NLRP4: variants seen among roughly 807,000 people sequenced by gnomAD.
The protein encoded by NLRP4 is NLR family pyrin domain containing 4.
A neutral mutation model predicts 84.7 loss-of-function variants in NLRP4; 44 were observed. The ratio of observed to expected loss-of-function variants is 0.52; its 90% CI spans 0.41 to 0.67. NLRP4 has a LOEUF of 0.67. Ranked by LOEUF, NLRP4 falls within the 30% of genes least tolerant of loss-of-function variation. The pLI, the probability that NLRP4 is intolerant of heterozygous loss-of-function variation, is 0.00. For missense variants in NLRP4, 1,260 were observed against 1,219.4 expected (o/e 1.03, Z -0.50); for synonymous variants, 544 against 476.4 (o/e 1.14, Z -1.85).
intron 1 of NLRP4, among the ~76,000 whole-genome samples, chr19:55,850,387 G>T (rs76239796): frequency 9.6e-4 from 33 of 34,204 alleles, no homozygotes; most frequent in East Asian, 8.0e-3. Flanking sequence ...GCGGTGTAAT[G>T]TCCGTGGCTG....
rs536791596 is a variant in NLRP4 at position 55,879,005 on chromosome 19, G to A, written c.2867+41G>A. On this transcript the variant is annotated intron_variant, in intron 9 of 9. Coordinates refer to ENST00000301295, the MANE Select transcript of NLRP4 (RefSeq NM_134444.5). ...TTGTGCTCTATGGGCAGAGTGCTCC[G>A]GGCTAAGAAGGGATTGGCTGGGACC... 15 of 1,489,178 alleles carry A rather than the reference G, an allele frequency of 1.0e-5. No individual in the cohort carries two copies. The African/African-American group carries it at 1.2e-4, about 12-fold the overall frequency. 92.2% of individuals were successfully genotyped at this position (1,489,178 alleles called of 1,614,324 possible).
At chr19:55,870,084 C>A (rs903959585) in intron 6 of NLRP4, among the ~76,000 whole-genome samples, 1 of 150,770 alleles carries the variant, frequency 6.6e-6, no homozygotes, top group Non-Finnish European at 1.5e-5. Flanking sequence ...GGTGACAGAG[C>A]CATACCCTGT....
Position 55,861,976 on chromosome 19 carries a change from T to G in NLRP4, c.2019-16T>G. 1 of 1,605,622 alleles carries G rather than the reference T, an allele frequency of 6.2e-7. No homozygotes were observed. Among genetic ancestry groups the G allele is most frequent in the Non-Finnish European group, 8.5e-7 (1 of 1,172,592 alleles). ...CATTAGATGAAACTCATCCAAAATT[T>G]TCTTTGTTTTTGCAGAATAAATAAC... is the stretch of plus-strand genomic sequence containing the variant. On this transcript the variant is annotated splice_polypyrimidine_tract_variant and intron_variant, in intron 4 of 9. Transcript: ENST00000301295.
At chr19:55,841,974 G>T (rs546993333) in intron 1 of NLRP4, among the ~76,000 whole-genome samples, 1 of 152,210 alleles carries the variant, frequency 6.6e-6, no homozygotes, top group South Asian at 2.1e-4. Flanking sequence ...TGGGTTATAT[G>T]GTAGGTTCTA....
rs1256249969 is a variant in NLRP4 at position 55,870,909 on chromosome 19, G to C, written c.2437G>C (p.Asp813His). The C allele has an allele frequency of 6.2e-7, 1 of 1,614,006 alleles. No individual in the cohort carries two copies. The highest frequency in any genetic ancestry group is 1.7e-5 in the Admixed American group (1 of 60,022). ...LLRNKSVRYL[D>H]LSANVLKDEG... ...GCGTAACAAGAGCGTGCGCTATCTA[G>C]ACCTCAGTGCCAATGTCCTGAAGGA... Residue 813 changes from aspartate to histidine, a missense_variant, in exon 7 of 10, where the codon GAC becomes CAC. This residue lies in a region of NLRP4 where 544 missense variants were observed against 531.7 expected (regional missense o/e 1.02). Transcript: ENST00000301295.
intron 6 of NLRP4, among the ~76,000 whole-genome samples, chr19:55,869,509 G>A (rs763358818): frequency 2.6e-5 from 4 of 152,194 alleles, no homozygotes; most frequent in Non-Finnish European, 5.9e-5. Context: ...TCAACAGGAA[G>A]CAGTTGCCCG....
In NLRP4 at chr19:55,862,133, C is replaced by T; in HGVS notation, c.2160C>T (p.Tyr720=). 1.2e-6 allele frequency: 2 copies of T among 1,613,710 alleles called. No homozygotes were observed. The highest frequency in any genetic ancestry group is 1.7e-6 in the Non-Finnish European group (2 of 1,179,618). ...DIRSLCDALN[Y]PAGNVKELAL... ...GGTCCCTCTGTGATGCCTTGAACTA[C>T]CCAGCAGGCAACGTCAAAGAGCTAG... is the stretch of plus-strand genomic sequence containing the variant. The change falls in exon 5 of 10, where the codon TAC becomes TAT. Residue 720 remains tyrosine (Y), a synonymous_variant. Coordinates refer to ENST00000301295, the MANE Select transcript of NLRP4 (RefSeq NM_134444.5).
chr19:55,870,969 C>T lies in NLRP4; in HGVS notation c.2497C>T (p.His833Tyr), dbSNP rs768351775. 3 of 1,614,200 alleles carry T rather than the reference C, an allele frequency of 1.9e-6. No homozygotes were observed. Among genetic ancestry groups the T allele is most frequent in the Admixed American group, 3.3e-5 (2 of 60,030 alleles). ...GLKTLCEALK[H>Y]PDCCLDSLCL... ...GAAAACTCTCTGCGAGGCCTTGAAACATCCGGACTGCTGCCTGGATTCACT... is the reference window on the plus strand; with the variant it reads ...GAAAACTCTCTGCGAGGCCTTGAAATATCCGGACTGCTGCCTGGATTCACT... Residue 833 changes from histidine to tyrosine, a missense_variant, in exon 7 of 10, where the codon CAT becomes TAT. His to Tyr is a moderately conservative substitution (Grantham distance 83). Coordinates refer to ENST00000301295, the MANE Select transcript of NLRP4 (RefSeq NM_134444.5).
intron 1 of NLRP4, among the ~76,000 whole-genome samples, chr19:55,839,366 C>T (rs1983519722): frequency 6.6e-6 from 1 of 151,572 alleles, no homozygotes; most frequent in South Asian, 2.1e-4. Context: ...CTCACACACA[C>T]ATACCCACAC....
rs1985015854 is a variant in NLRP4 at position 55,867,735 on chromosome 19, T to C, written c.2213T>C (p.Ile738Thr). 5 of 1,614,028 alleles carry C rather than the reference T, an allele frequency of 3.1e-6. No homozygotes were observed. Among genetic ancestry groups the C allele is most frequent in the African/African-American group, 2.7e-5 (2 of 74,932 alleles). Residue 738 changes from isoleucine (I) to threonine (T), a missense_variant, in exon 6 of 10, where the codon ATT (isoleucine) becomes ACT (threonine). Ile to Thr is a moderately conservative substitution (Grantham distance 89). This residue lies in a region of NLRP4 where 544 missense variants were observed against 531.7 expected (regional missense o/e 1.02). Coordinates refer to ENST00000301295, the MANE Select transcript of NLRP4 (RefSeq NM_134444.5). ...CTGGTAAATTGTCACCTCTCACCCA[T>C]TGATTGTGAAGTCCTTGCTGGCCTT... ...LALVNCHLSP[I>T]DCEVLAGLLT...
Position 55,870,912 on chromosome 19 carries a change from C to T in NLRP4, c.2440C>T (p.Leu814Phe). 6.2e-7 allele frequency: 1 copy of T among 1,613,886 alleles called. No homozygotes were observed. The highest frequency in any genetic ancestry group is 8.5e-7 in the Non-Finnish European group (1 of 1,179,732). Residue 814 changes from leucine (L) to phenylalanine (F), a missense_variant, in exon 7 of 10, where the codon CTC (leucine) becomes TTC (phenylalanine). Coordinates refer to ENST00000301295, the MANE Select transcript of NLRP4 (RefSeq NM_134444.5). Reference protein sequence around the residue: ...LRNKSVRYLDLSANVLKDEGL... With the variant: ...LRNKSVRYLDFSANVLKDEGL... The stretch of plus-strand genomic sequence containing the variant: ...TAACAAGAGCGTGCGCTATCTAGAC[C>T]TCAGTGCCAATGTCCTGAAGGACGA...
intron 9 of NLRP4, among the ~76,000 whole-genome samples, chr19:55,879,953 T>G (rs1298981813): frequency 6.6e-6 from 1 of 151,862 alleles, no homozygotes; most frequent in Admixed American, 6.6e-5. Flanking sequence ...ATTTATATTT[T>G]AATTTGTTAT....
At chr19:55,867,959 G>A (rs1985027106) in intron 6 of NLRP4, 83 bp downstream of exon 6, 3 of 1,206,964 alleles carry the variant, frequency 2.5e-6, no homozygotes, top group Admixed American at 4.2e-5. Context: ...TCTGCTCATT[G>A]ATGGAGGCCA....
chr19:55,841,802 T>C (rs947394941), intron 1 of NLRP4, among the ~76,000 whole-genome samples: 6 of 151,552 alleles, frequency 4.0e-5, no homozygotes, highest in Middle Eastern at 3.4e-3. Flanking sequence ...GAGGCAGAGG[T>C]TGCAGTGAGC....
chr19:55,851,682 TGTAATGTCCGAGGCTGCG>T (rs1984158294), intron 1 of NLRP4, among the ~76,000 whole-genome samples: 1 of 148,912 alleles, frequency 6.7e-6, no homozygotes, highest in Non-Finnish European at 1.5e-5. Context: ...GAGGCTGCGG[TGTAATGTCCGAGGCTGCG>T]GTGTAATGTC....
chr19:55,850,609 A>AATGTC (rs1568659135), intron 1 of NLRP4, among the ~76,000 whole-genome samples: 3 of 25,780 alleles, frequency 1.2e-4, no homozygotes, highest in Non-Finnish European at 1.3e-4. Flanking sequence ...GGTGTAATTT[A>AATGTC]CGAGGCTGCG....
In NLRP4 at chr19:55,870,905, T is replaced by C; in HGVS notation, c.2433T>C (p.Tyr811=). The change falls in exon 7 of 10, where the codon TAT becomes TAC. Residue 811 remains tyrosine (Y), a synonymous_variant. Transcript: ENST00000301295. ...EMLLRNKSVR[Y]LDLSANVLKD... ...TTCTGCGTAACAAGAGCGTGCGCTA[T>C]CTAGACCTCAGTGCCAATGTCCTGA... 3.7e-6 allele frequency: 6 copies of C among 1,614,140 alleles called. No individual in the cohort carries two copies. Among genetic ancestry groups the C allele is most frequent in the Non-Finnish European group, 4.2e-6 (5 of 1,179,968 alleles).
intron 1 of NLRP4, among the ~76,000 whole-genome samples, chr19:55,846,779 T>C (rs1166148572): frequency 6.6e-6 from 1 of 152,118 alleles, no homozygotes; most frequent in Non-Finnish European, 1.5e-5. Context: ...AGGACTCAGA[T>C]ACATGTTCCT....
intron 9 of NLRP4, 72 bp downstream of exon 9, chr19:55,879,036 T>A: frequency 8.5e-7 from 1 of 1,175,790 alleles, no homozygotes; most frequent in South Asian, 1.4e-5. Context: ...GGACCTGCAG[T>A]GTAATCACGT....
Sources: allele counts gnomAD v4.1 joint callset (sites outside exome capture counted in the v4.1 genomes callset), GRCh38; gene constraint gnomAD v4.1.1; regional missense constraint gnomAD v4.1.1; transcripts MANE v1.5; gene names NCBI Gene and HGNC (gene_info 2026-07-23, HGNC 2026-07-21).